SHF: variants seen among roughly 807,000 people sequenced by gnomAD.
The protein encoded by SHF is SH2 domain-containing adapter protein F.
Under a neutral mutation model 42.4 loss-of-function variants are expected in SHF, and 30 were observed. The ratio of observed to expected loss-of-function variants is 0.71; its 90% CI spans 0.53 to 0.96. The LOEUF is 0.96. SHF is among the 40% of genes least tolerant of loss of function. The pLI, the probability that SHF is intolerant of heterozygous loss-of-function variation, is 0.00. For missense variants in SHF, 598 were observed against 634.0 expected, an observed-to-expected ratio of 0.94 and a Z score of 0.61; for synonymous variants, 264 against 269.9, an observed-to-expected ratio of 0.98 and a Z score of 0.21.
chr15:45,200,185 T>C (rs1781046849), intron 1 of SHF: 1 of 154,132 alleles, frequency 6.5e-6, no homozygotes, highest in African/African-American at 2.4e-5. Flanking sequence ...TACAACACTT[T>C]TTAAACTGGC....
intron 1 of SHF, among the ~76,000 whole-genome samples, chr15:45,185,336 C>G (rs1374072634): frequency 6.6e-6 from 1 of 152,256 alleles, no homozygotes; most frequent in Non-Finnish European, 1.5e-5. Context: ...CATGCGCCAG[C>G]TCACATCCAG....
upstream of SHF, among the ~76,000 whole-genome samples, chr15:45,192,357 G>GTT (rs1567041917): frequency 1.3e-4 from 15 of 113,918 alleles, no homozygotes; most frequent in East Asian, 8.7e-4. Context: ...TCTGATTCCA[G>GTT]ATTTTTTTTT....
intron 1 of SHF, among the ~76,000 whole-genome samples, chr15:45,179,973 A>G (rs959079598): frequency 9.9e-5 from 15 of 151,978 alleles, no homozygotes; most frequent in African/African-American, 3.1e-4. Context: ...CCACCTTGCT[A>G]TTCCCTCTGA....
chr15:45,175,809 TTTTTC>T (rs1320057000), intron 2 of SHF, among the ~76,000 whole-genome samples: 4 of 111,440 alleles, frequency 3.6e-5, no homozygotes, highest in African/African-American at 1.2e-4. Context: ...TCCTTTTTTC[TTTTTC>T]TTTTCTTTTT....
chr15:45,179,165 C>T (rs986336715), intron 1 of SHF, among the ~76,000 whole-genome samples: 3 of 152,252 alleles, frequency 2.0e-5, no homozygotes, highest in Admixed American at 6.5e-5. Context: ...GTTCTGCTGA[C>T]GGATCCTCAC....
At chr15:45,180,540 C>T (rs1898074383) in intron 1 of SHF, among the ~76,000 whole-genome samples, 1 of 152,226 alleles carries the variant, frequency 6.6e-6, no homozygotes, top group African/African-American at 2.4e-5. Flanking sequence ...GATTTGAAAG[C>T]TTCCACTTTC....
chr15:45,174,958 T>C (rs968648749), intron 3 of SHF, among the ~76,000 whole-genome samples: 3 of 152,182 alleles, frequency 2.0e-5, no homozygotes, highest in African/African-American at 4.8e-5. Context: ...AAGAGAGAAG[T>C]AGTCTAAGCC....
intron 6 of SHF, 168 bp downstream of exon 6, chr15:45,171,715 G>A: frequency 1.5e-6 from 1 of 677,848 alleles, no homozygotes; most frequent in South Asian, 1.9e-5. Context: ...AATGGACTCT[G>A]AGCTCCTTGA....
At chr15:45,180,122 T>C (rs1310670553) in intron 1 of SHF, among the ~76,000 whole-genome samples, 2 of 152,146 alleles carry the variant, frequency 1.3e-5, no homozygotes, top group African/African-American at 2.4e-5. Flanking sequence ...ATCATCCAAT[T>C]ACCACCACTG....
At chr15:45,183,929 A>G (rs1898252704) in intron 1 of SHF, among the ~76,000 whole-genome samples, 1 of 152,176 alleles carries the variant, frequency 6.6e-6, no homozygotes, top group Admixed American at 6.5e-5. Context: ...AAGAGGTTTA[A>G]CTAGTCTACA....
chr15:45,178,438 G>C (rs1233282369), intron 1 of SHF, 132 bp from the exon 2 acceptor site: 1 of 1,102,568 alleles, frequency 9.1e-7, no homozygotes, highest in Non-Finnish European at 1.2e-6. Flanking sequence ...GGTACTCAAA[G>C]GAAGGCTCTG....
At chr15:45,174,432 T>G (rs2141354490) in intron 3 of SHF, 1 of 152,716 alleles carries the variant, frequency 6.5e-6, no homozygotes, top group Middle Eastern at 3.4e-3. Flanking sequence ...AATCCTGTGG[T>G]TTTCCAGTCT....
chr15:45,172,375 C>T (rs1897553075), intron 4 of SHF, 57 bp from the exon 5 acceptor site: 2 of 1,480,648 alleles, frequency 1.4e-6, no homozygotes, highest in South Asian at 1.4e-5. Context: ...TCAGAGGTCC[C>T]TATTGAATAG....
intron 3 of SHF, among the ~76,000 whole-genome samples, chr15:45,174,982 G>C (rs541027631): frequency 1.2e-4 from 19 of 152,270 alleles, no homozygotes; most frequent in African/African-American, 4.3e-4. Flanking sequence ...TAGCTTCCAA[G>C]AGGTGGTGAT....
intron 1 of SHF, among the ~76,000 whole-genome samples, chr15:45,186,621 T>C (rs1047851676): frequency 2.5e-4 from 38 of 152,230 alleles, no homozygotes; most frequent in Admixed American, 1.1e-3. Flanking sequence ...TTCTCCTCCC[T>C]ATCCTGGTGC....
chr15:45,195,776 G>A (rs1898844485), intron 2 of SHF, among the ~76,000 whole-genome samples: 3 of 152,146 alleles, frequency 2.0e-5, no homozygotes, highest in Admixed American at 2.0e-4. Context: ...CTGTTTGCCT[G>A]GCTTTGGGTG....
rs574029614 is a variant in SHF at position 45,175,259 on chromosome 15, G to A, written c.807C>T (p.Pro269=). ...AAATCCGCTCCTTCTTCCACTCCCA[G>A]GGCTGGTCATACTCCTCAGGGGGCC... ...DERPPEEYDQ[P]WEWKKERISK... The change falls in exon 3 of 7, where the codon CCC becomes CCT. Residue 269 remains proline (P), a synonymous_variant. Coordinates refer to ENST00000690270, the MANE Select transcript of SHF (RefSeq NM_001394037.1). 6.2e-7 allele frequency: 1 copy of A among 1,612,154 alleles called. No individual in the cohort carries two copies. Among genetic ancestry groups the A allele is most frequent in the Non-Finnish European group, 8.5e-7 (1 of 1,179,358 alleles).
chr15:45,184,070 A>G (rs891582622), intron 1 of SHF, among the ~76,000 whole-genome samples: 35 of 152,234 alleles, frequency 2.3e-4, no homozygotes, highest in Admixed American at 2.3e-3. Flanking sequence ...AAGAAACATT[A>G]AAGCAAACAA....
rs1385021629 is a variant in SHF, at chr15:45,185,629, G to C, written c.498+1825C>G. On this transcript the variant is annotated intron_variant, in intron 1 of 6. Transcript: ENST00000690270. ...CATTCCTGTCCCTGTAGCTGACAAAGGAGTCAGACATCTCTTGGCCCCTAA... is the reference window on the plus strand; with the variant it reads ...CATTCCTGTCCCTGTAGCTGACAAACGAGTCAGACATCTCTTGGCCCCTAA... Among the ~76,000 whole-genome samples the C allele has an allele frequency of 2.6e-5, 4 of 152,324 alleles. 1 individual carries two copies. The East Asian group carries it at 7.7e-4, about 29-fold the overall frequency.
Sources: gnomAD v4.1 joint callset for allele counts (sites outside exome capture counted in the v4.1 genomes callset) on GRCh38, gnomAD v4.1.1 for gene constraint, MANE v1.5 for transcripts, NCBI Gene and HGNC (gene_info 2026-07-23, HGNC 2026-07-21) for gene names.